Variants in CDH8 observed in about 807,000 individuals in gnomAD.
CDH8 encodes cadherin-8.
CDH8 carries 17 observed loss-of-function variants against 68.1 expected under a neutral mutation model. That is an observed-to-expected ratio of 0.25 (90% CI 0.17 to 0.37). The LOEUF is 0.37. Ranked by LOEUF, CDH8 falls within the 10% of genes least tolerant of loss-of-function variation. The pLI is 1.00. For missense variants in CDH8, 763 were observed against 999.3 expected, an observed-to-expected ratio of 0.76 and a Z score of 3.19; for synonymous variants, 372 against 365.1, an observed-to-expected ratio of 1.02 and a Z score of -0.21.
At chr16:61,866,105 TA>T (rs1474007060) in intron 3 of CDH8, among the ~76,000 whole-genome samples, 127 of 672 alleles carry the variant, frequency 0.19, 1 homozygote, top group Non-Finnish European at 0.047. Flanking sequence ...TAGTCCCAGC[TA>T]CCAGCTACTT....
At chr16:61,840,417 T>A (rs955393764) in intron 4 of CDH8, among the ~76,000 whole-genome samples, 6 of 152,204 alleles carry the variant, frequency 3.9e-5, no homozygotes, top group Non-Finnish European at 7.3e-5. Context: ...TGCATTCTAG[T>A]GGGATCAGAC....
At chr16:61,880,423 A>G (rs1444903447) in intron 3 of CDH8, among the ~76,000 whole-genome samples, 1 of 152,206 alleles carries the variant, frequency 6.6e-6, no homozygotes, top group African/African-American at 2.4e-5. Context: ...CATGCTGAGC[A>G]TTATTGGCCA....
intron 2 of CDH8, among the ~76,000 whole-genome samples, chr16:61,924,908 C>T (rs151327720): frequency 3.1e-3 from 473 of 152,162 alleles, no homozygotes; most frequent in Non-Finnish European, 4.9e-3. Flanking sequence ...CTAATTGTTC[C>T]GTACTTTGAA....
At chr16:62,027,260 A>G (rs559991252) in intron 1 of CDH8, among the ~76,000 whole-genome samples, 1 of 152,354 alleles carries the variant, frequency 6.6e-6, no homozygotes, top group African/African-American at 2.4e-5. Flanking sequence ...AGATAGTTCT[A>G]ATTACAGCCT....
At chr16:61,671,306 T>G (rs1330251845) in intron 10 of CDH8, among the ~76,000 whole-genome samples, 4 of 151,974 alleles carry the variant, frequency 2.6e-5, no homozygotes, top group Non-Finnish European at 5.9e-5. Flanking sequence ...ATTTCTTCCC[T>G]TAGGTGTTAG....
At chr16:61,869,149 C>G (rs185371050) in intron 3 of CDH8, among the ~76,000 whole-genome samples, 7 of 152,216 alleles carry the variant, frequency 4.6e-5, no homozygotes, top group Admixed American at 3.9e-4. Flanking sequence ...TTCTCACTTC[C>G]TTAGTCCCTT....
At chr16:61,737,594 C>T (rs1959733995) in intron 8 of CDH8, among the ~76,000 whole-genome samples, 1 of 152,110 alleles carries the variant, frequency 6.6e-6, no homozygotes, top group Non-Finnish European at 1.5e-5. Flanking sequence ...CCATAAATGG[C>T]ATATTAATTT....
chr16:61,791,508 T>G (rs1395000138), intron 7 of CDH8, among the ~76,000 whole-genome samples: 1 of 152,070 alleles, frequency 6.6e-6, no homozygotes, highest in Non-Finnish European at 1.5e-5. Flanking sequence ...TATCACTTTC[T>G]GCATTATATT....
intron 3 of CDH8, among the ~76,000 whole-genome samples, chr16:61,886,522 G>C (rs953847802): frequency 1.3e-5 from 2 of 152,088 alleles, no homozygotes; most frequent in African/African-American, 4.8e-5. Flanking sequence ...CCATTTTATT[G>C]AGTTGTCTTC....
At chr16:61,978,687 G>A (rs1438612547) in intron 2 of CDH8, among the ~76,000 whole-genome samples, 3 of 152,066 alleles carry the variant, frequency 2.0e-5, no homozygotes, top group East Asian at 1.9e-4. Flanking sequence ...ATCCACTTGG[G>A]CAAGCTCGTG....
At chr16:61,941,761 G>GTTTT (rs2032081488) in intron 2 of CDH8, among the ~76,000 whole-genome samples, 1 of 152,122 alleles carries the variant, frequency 6.6e-6, no homozygotes, top group Admixed American at 6.6e-5. Flanking sequence ...GTTTTGTTTT[G>GTTTT]TTTTGCTTTT....
chr16:61,725,164 C>T (rs1959313153), intron 9 of CDH8: 1 of 150,892 alleles, frequency 6.6e-6, no homozygotes, highest in Non-Finnish European at 1.5e-5. Context: ...GAGAAAGAGT[C>T]ATTCATTGTG....
intron 2 of CDH8, among the ~76,000 whole-genome samples, chr16:62,010,656 G>C (rs979767017): frequency 3.9e-5 from 6 of 151,900 alleles, no homozygotes; most frequent in South Asian, 2.1e-4. Flanking sequence ...TTTTCTCTTG[G>C]GGGTAGGCAC....
chr16:61,849,560 G>A (rs572126174), intron 4 of CDH8, among the ~76,000 whole-genome samples: 1 of 152,122 alleles, frequency 6.6e-6, no homozygotes, highest in Non-Finnish European at 1.5e-5. Flanking sequence ...TAATTTGGAG[G>A]GGGTGTGTGA....
chr16:61,826,639 C>CTT lies in CDH8; in HGVS notation c.668-1462_668-1461dup, dbSNP rs11380217. Among the ~76,000 whole-genome samples the CTT allele has an allele frequency of 4.1e-5, 6 of 146,034 alleles. No homozygotes were observed. The East Asian group carries it at 6.1e-4, about 15-fold the overall frequency. ...CTTGGCCACTTCTGAAGTTGTAATT[C>CTT]TTTTTTTTTTTTAATTCATATGGTT... On this transcript the variant is annotated intron_variant, in intron 4 of 11. Coordinates refer to ENST00000577390, the MANE Select transcript of CDH8 (RefSeq NM_001796.5).
chr16:61,773,842 C>G (rs1475393071), intron 8 of CDH8, among the ~76,000 whole-genome samples: 2 of 152,144 alleles, frequency 1.3e-5, no homozygotes, highest in East Asian at 3.9e-4. Context: ...GAGTCCTTGT[C>G]CTATAGAGGC....
chr16:61,831,992 T>C (rs1323566753), intron 4 of CDH8, among the ~76,000 whole-genome samples: 2 of 151,716 alleles, frequency 1.3e-5, no homozygotes, highest in Non-Finnish European at 2.9e-5. Context: ...TAAAAGGCTA[T>C]AAGAGACAAT....
At chr16:61,888,881 C>A (rs1963725225) in intron 3 of CDH8, among the ~76,000 whole-genome samples, 1 of 152,152 alleles carries the variant, frequency 6.6e-6, no homozygotes, top group Admixed American at 6.5e-5. Flanking sequence ...ACTCTTGTTA[C>A]TTGCCAAGAT....
chr16:61,920,927 A>C (rs2143403398), intron 2 of CDH8, among the ~76,000 whole-genome samples: 1 of 118,204 alleles, frequency 8.5e-6, no homozygotes, highest in East Asian at 2.6e-4. Context: ...TGCAGCCATA[A>C]AAAATGATGA....
Sources: gnomAD v4.1 joint callset for allele counts (sites outside exome capture counted in the v4.1 genomes callset) on GRCh38, gnomAD v4.1.1 for gene constraint, MANE v1.5 for transcripts, NCBI Gene and HGNC (gene_info 2026-07-23, HGNC 2026-07-21) for gene names.